TMOD3: variants seen among roughly 807,000 people sequenced by gnomAD.
TMOD3 encodes tropomodulin-3.
A neutral mutation model predicts 39.2 loss-of-function variants in TMOD3; 20 were observed. The ratio of observed to expected loss-of-function variants is 0.51; its 90% CI spans 0.36 to 0.74. TMOD3 has a LOEUF of 0.74. Ranked by LOEUF, TMOD3 falls within the 30% of genes least tolerant of loss-of-function variation. The pLI is 0.00. For synonymous variants in TMOD3, 143 were observed against 145.8 expected, an observed-to-expected ratio of 0.98 and a Z score of 0.14; for missense variants, 381 against 412.8, an observed-to-expected ratio of 0.92 and a Z score of 0.67.
At chr15:51,865,153 A>G (rs2056439067) in intron 2 of TMOD3, among the ~76,000 whole-genome samples, 1 of 152,016 alleles carries the variant, frequency 6.6e-6, no homozygotes, top group African/African-American at 2.4e-5. Context: ...TACCCAGCTA[A>G]TTACTTTTTA....
intron 3 of TMOD3, among the ~76,000 whole-genome samples, chr15:51,876,765 C>T (rs915716728): frequency 2.2e-4 from 34 of 152,038 alleles, no homozygotes; most frequent in African/African-American, 6.5e-4. Flanking sequence ...CCGGCCCCAG[C>T]GCTTTTTTTA....
In TMOD3 at chr15:51,901,988, G is replaced by A; in HGVS notation, c.976G>A (p.Gly326Arg). ...ATTTGGATATCAGTTTACACAGCAGGGACCACGAACCAGAGCAGCTAATGC... is the reference window on the plus strand; with the variant it reads ...ATTTGGATATCAGTTTACACAGCAGAGACCACGAACCAGAGCAGCTAATGC... The part of the protein sequence containing the change: ...LKFGYQFTQQ[G>R]PRTRAANAIT... The change falls in exon 9 of 10, where the codon GGA (glycine) becomes AGA (arginine). Residue 326 changes from glycine (G) to arginine (R), a missense_variant. Coordinates refer to ENST00000308580, the MANE Select transcript of TMOD3 (RefSeq NM_014547.5). 6.2e-7 allele frequency: 1 copy of A among 1,613,964 alleles called. No individual in the cohort carries two copies. Among genetic ancestry groups the A allele is most frequent in the Non-Finnish European group, 8.5e-7 (1 of 1,179,986 alleles).
intron 2 of TMOD3, among the ~76,000 whole-genome samples, chr15:51,864,107 A>G (rs2056432868): frequency 1.3e-5 from 2 of 152,108 alleles, no homozygotes; most frequent in South Asian, 2.1e-4. Context: ...TCTACTAAAT[A>G]TACAAAAATT....
rs944120235 is a variant in TMOD3 at position 51,913,009 on chromosome 15, T to G, written c.*4199T>G. The G allele has an allele frequency of 1.3e-5, 2 of 152,266 alleles. No individual in the cohort carries two copies. The highest frequency in any genetic ancestry group is 2.9e-5 in the Non-Finnish European group (2 of 68,048). The allele number at this position is 152,266 out of a possible 1,614,324, so 9.4% of individuals were successfully genotyped here. A position where few individuals can be genotyped will look rare whatever the true frequency, so the allele number is the denominator to read the frequency against. ...TCTTTTTTGAGACCAAGTCTCACTC[T>G]GTCATCCAGGCTGGAGTGCAGTGGT... is the stretch of plus-strand genomic sequence containing the variant. On this transcript the variant is annotated 3_prime_UTR_variant, in exon 10 of 10. Transcript: ENST00000308580.
rs1268617956 is a variant in TMOD3 at position 51,896,497 on chromosome 15, G to A, written c.706G>A (p.Ala236Thr). 6.2e-7 allele frequency: 1 copy of A among 1,613,874 alleles called. No homozygotes were observed. Among genetic ancestry groups the A allele is most frequent in the African/African-American group, 1.3e-5 (1 of 75,046 alleles). ...NTHVKCFSLA[A>T]TRSNDPVATA... Reference sequence around the variant, plus strand: ...ACATGTGAAATGTTTCAGTCTTGCAGCCACCCGGAGCAATGACCCTGTTGC... The same window carrying A: ...ACATGTGAAATGTTTCAGTCTTGCAACCACCCGGAGCAATGACCCTGTTGC... The change falls in exon 7 of 10, where the codon GCC (alanine) becomes ACC (threonine). Residue 236 changes from alanine (A) to threonine (T), a missense_variant. Ala to Thr is a moderately conservative substitution (Grantham distance 58). Transcript: ENST00000308580.
chr15:51,891,430 G>T (rs1595908267), intron 5 of TMOD3, among the ~76,000 whole-genome samples: 1 of 151,870 alleles, frequency 6.6e-6, no homozygotes, highest in Non-Finnish European at 1.5e-5. Flanking sequence ...GGTCCCTTTT[G>T]GCAAGAATGC....
chr15:51,839,582 G>A (rs942945182), intron 1 of TMOD3, among the ~76,000 whole-genome samples: 5 of 146,434 alleles, frequency 3.4e-5, no homozygotes, highest in Admixed American at 2.7e-4. Context: ...ACAGGCTTTC[G>A]CTGTCATCCA....
chr15:51,884,013 CA>C (rs948021687), intron 3 of TMOD3, among the ~76,000 whole-genome samples: 2 of 152,102 alleles, frequency 1.3e-5, no homozygotes, highest in African/African-American at 4.8e-5. Flanking sequence ...ACCAGAATTC[CA>C]AAATTTGATA....
At chr15:51,892,072 C>CTG (rs35503902) in intron 5 of TMOD3, among the ~76,000 whole-genome samples, 71,441 of 151,508 alleles carry the variant, frequency 0.47, 17,038 homozygotes, top group Admixed American at 0.54. Flanking sequence ...TCTCAAGATG[C>CTG]TGTGTGTGTG....
chr15:51,859,401 C>A, intron 1 of TMOD3: 1 of 681,874 alleles, frequency 1.5e-6, no homozygotes. Flanking sequence ...TAATGTTCAC[C>A]ATCTTGCAGG....
intron 1 of TMOD3, chr15:51,860,463 C>A: frequency 1.8e-6 from 1 of 566,590 alleles, no homozygotes; most frequent in East Asian, 4.7e-5. Context: ...AAGTTTTGGG[C>A]CCTCTGGATG....
rs1316443191 is a variant in TMOD3, at chr15:51,862,874, C to T, written c.-11C>T. The T allele has an allele frequency of 6.2e-7, 1 of 1,610,892 alleles. No homozygotes were observed. Among genetic ancestry groups the T allele is most frequent in the Non-Finnish European group, 8.5e-7 (1 of 1,178,886 alleles). The stretch of plus-strand genomic sequence containing the variant: ...ACAGCAAAAATTAAGTGACTTGCTG[C>T]CCTGCACATCATGGCACTGCCATTC... On this transcript the variant is annotated 5_prime_UTR_variant, in exon 2 of 10. Coordinates refer to ENST00000308580, the MANE Select transcript of TMOD3 (RefSeq NM_014547.5).
intron 4 of TMOD3, 74 bp downstream of exon 4, chr15:51,887,785 A>G: frequency 1.9e-6 from 3 of 1,562,016 alleles, no homozygotes; most frequent in Admixed American, 2.1e-5. Context: ...ACCTATATAC[A>G]TTATACAAAC....
intron 3 of TMOD3, chr15:51,884,777 A>G (rs2141698169): frequency 6.6e-6 from 1 of 152,394 alleles, no homozygotes; most frequent in African/African-American, 2.4e-5. Flanking sequence ...AAAGGCCTCC[A>G]CACTGAGAAT....
intron 3 of TMOD3, among the ~76,000 whole-genome samples, chr15:51,873,631 C>A (rs1240775883): frequency 1.3e-5 from 2 of 152,166 alleles, no homozygotes; most frequent in South Asian, 2.1e-4. Flanking sequence ...TGAACTCTTT[C>A]CAAATTATAT....
intron 5 of TMOD3, chr15:51,892,525 T>A (rs2056598924): frequency 6.6e-6 from 1 of 152,176 alleles, no homozygotes; most frequent in East Asian, 1.9e-4. Context: ...CAGTAAATTT[T>A]GGAGCCTCTG....
chr15:51,870,639 T>G (rs1595899557), intron 3 of TMOD3, among the ~76,000 whole-genome samples: 4 of 152,200 alleles, frequency 2.6e-5, no homozygotes, highest in African/African-American at 9.6e-5. Context: ...ATTGAGTAGG[T>G]AAGCCGTAAG....
intron 1 of TMOD3, among the ~76,000 whole-genome samples, chr15:51,861,605 C>T (rs571517426): frequency 8.6e-5 from 13 of 151,412 alleles, no homozygotes; most frequent in African/African-American, 2.4e-4. Context: ...TCAAGAAAAA[C>T]GTAACCAAAT....
intron 3 of TMOD3, among the ~76,000 whole-genome samples, chr15:51,878,244 G>A (rs1218240132): frequency 6.6e-6 from 1 of 152,158 alleles, no homozygotes; most frequent in East Asian, 1.9e-4. Context: ...GAAAACTGTT[G>A]TTTCTGGCCA....
Sources: allele counts gnomAD v4.1 joint callset (sites outside exome capture counted in the v4.1 genomes callset), GRCh38; gene constraint gnomAD v4.1.1; transcripts MANE v1.5; gene names NCBI Gene and HGNC (gene_info 2026-07-23, HGNC 2026-07-21).